NPAS3: variants seen among roughly 807,000 people sequenced by gnomAD.
The protein encoded by NPAS3 is neuronal PAS domain-containing protein 3.
Under a neutral mutation model 73.1 loss-of-function variants are expected in NPAS3, and 14 were observed. The observed-to-expected ratio is 0.19, with a 90% CI of 0.13 to 0.30. The LOEUF (loss-of-function observed/expected upper bound fraction) is 0.30, where lower values mean the gene tolerates loss of function less well. NPAS3 is among the 10% of genes least tolerant of loss of function. The pLI, the probability that NPAS3 is intolerant of heterozygous loss-of-function variation, is 1.00. For missense variants in NPAS3, 1,096 were observed against 1,250.0 expected (o/e 0.88, Z 1.86); for synonymous variants, 620 against 541.5 (o/e 1.14, Z -2.01).
At chr14:33,160,565 C>A (rs2044831399) in intron 2 of NPAS3, among the ~76,000 whole-genome samples, 3 of 150,014 alleles carry the variant, frequency 2.0e-5, no homozygotes, top group South Asian at 2.1e-4. Flanking sequence ...GGGTGCAGCA[C>A]ACCAACATGG....
intron 2 of NPAS3, among the ~76,000 whole-genome samples, chr14:33,151,924 A>T (rs1301125813): frequency 6.6e-6 from 1 of 152,152 alleles, no homozygotes; most frequent in Non-Finnish European, 1.5e-5. Flanking sequence ...GTATACAAGC[A>T]TGTGTGGTGT....
At chr14:33,489,614 T>A (rs914618304) in intron 4 of NPAS3, among the ~76,000 whole-genome samples, 13 of 152,322 alleles carry the variant, frequency 8.5e-5, no homozygotes, top group African/African-American at 3.1e-4. Flanking sequence ...TTAAAGTGGT[T>A]GTGCTTTAAA....
intron 2 of NPAS3, among the ~76,000 whole-genome samples, chr14:33,165,401 G>T (rs1183452427): frequency 6.6e-6 from 1 of 151,866 alleles, no homozygotes; most frequent in East Asian, 1.9e-4. Context: ...CATTCCATGG[G>T]ATTTCTATGG....
At chr14:33,066,341 A>G (rs1013263969) in intron 2 of NPAS3, among the ~76,000 whole-genome samples, 8 of 152,210 alleles carry the variant, frequency 5.3e-5, no homozygotes, top group Non-Finnish European at 1.2e-4. Context: ...TTCATGGTCA[A>G]TACATTCATC....
At chr14:33,642,445 A>G (rs1012786308) in intron 5 of NPAS3, among the ~76,000 whole-genome samples, 3 of 152,204 alleles carry the variant, frequency 2.0e-5, no homozygotes, top group African/African-American at 7.2e-5. Context: ...GAAGGGAGAG[A>G]GAACAATGGC....
At chr14:33,545,161 A>G (rs936260770) in intron 4 of NPAS3, among the ~76,000 whole-genome samples, 9 of 152,040 alleles carry the variant, frequency 5.9e-5, no homozygotes, top group African/African-American at 2.2e-4. Flanking sequence ...ATTTTTGACT[A>G]TGATGAAACC....
At chr14:33,344,813 C>G (rs894063366) in intron 3 of NPAS3, among the ~76,000 whole-genome samples, 5 of 152,174 alleles carry the variant, frequency 3.3e-5, no homozygotes, top group Non-Finnish European at 7.3e-5. Flanking sequence ...CCTGGAACTG[C>G]TGTAAGACCA....
chr14:32,941,275 TCCTCCCTC>T (rs1196215747), intron 1 of NPAS3, among the ~76,000 whole-genome samples: 1 of 1,874 alleles, frequency 5.3e-4, no homozygotes, highest in East Asian at 8.9e-3. Context: ...TCCCCTCCCC[TCCTCCCTC>T]CCTCCCTCCC....
intron 1 of NPAS3, among the ~76,000 whole-genome samples, chr14:32,965,628 T>A (rs2748835): frequency 6.6e-6 from 1 of 151,966 alleles, no homozygotes; most frequent in Non-Finnish European, 1.5e-5. Context: ...AATTGAAACC[T>A]TTCTCTCTAA....
At chr14:33,087,314 T>TA (rs1469867261) in intron 2 of NPAS3, among the ~76,000 whole-genome samples, 1 of 147,106 alleles carries the variant, frequency 6.8e-6, no homozygotes, top group Non-Finnish European at 1.5e-5. Flanking sequence ...ATTAAAGACT[T>TA]CAAGCCTAAC....
chr14:33,201,180 T>C (rs754516849), intron 2 of NPAS3, among the ~76,000 whole-genome samples: 6 of 152,194 alleles, frequency 3.9e-5, no homozygotes, highest in Non-Finnish European at 7.3e-5. Flanking sequence ...GCTAACTTTA[T>C]CTAATGCTAG....
intron 6 of NPAS3, among the ~76,000 whole-genome samples, chr14:33,698,254 C>G (rs1451058431): frequency 3.9e-5 from 6 of 152,180 alleles, no homozygotes; most frequent in Non-Finnish European, 8.8e-5. Flanking sequence ...CATATGACCT[C>G]CAGAATTTTC....
intron 6 of NPAS3, among the ~76,000 whole-genome samples, chr14:33,707,909 G>A (rs1023326174): frequency 2.0e-5 from 3 of 152,136 alleles, no homozygotes; most frequent in Admixed American, 6.5e-5. Context: ...TATCTGAACC[G>A]GGGGGTGGTG....
upstream of NPAS3, among the ~76,000 whole-genome samples, chr14:32,938,331 C>T (rs1272328562): frequency 1.3e-5 from 2 of 151,966 alleles, no homozygotes; most frequent in African/African-American, 4.8e-5. Flanking sequence ...CCTGTGGCCT[C>T]CCAGTTCCTT....
At chr14:33,086,060 C>G (rs2042015206) in intron 2 of NPAS3, among the ~76,000 whole-genome samples, 1 of 152,090 alleles carries the variant, frequency 6.6e-6, no homozygotes, top group Non-Finnish European at 1.5e-5. Context: ...TATACTTTCT[C>G]TTCTGTGACA....
intron 4 of NPAS3, among the ~76,000 whole-genome samples, chr14:33,435,223 GAA>G (rs1480423347): frequency 6.6e-6 from 1 of 152,140 alleles, no homozygotes; most frequent in Admixed American, 6.6e-5. Context: ...AATTTAGAGA[GAA>G]AGAGAATAGA....
chr14:33,034,588 A>G (rs2040100596), intron 1 of NPAS3, among the ~76,000 whole-genome samples: 1 of 152,010 alleles, frequency 6.6e-6, no homozygotes, highest in Non-Finnish European at 1.5e-5. Context: ...TTACATTTAT[A>G]TAGTCTACAT....
At chr14:33,784,754 T>TATTTTTATTA (rs1317655791) in intron 9 of NPAS3, among the ~76,000 whole-genome samples, 5 of 124,364 alleles carry the variant, frequency 4.0e-5, no homozygotes, top group Non-Finnish European at 6.6e-5. Flanking sequence ...TATTTTTTTT[T>TATTTTTATTA]TTTTTTTTTT....
intron 2 of NPAS3, among the ~76,000 whole-genome samples, chr14:33,189,903 T>C (rs2046109660): frequency 6.6e-6 from 1 of 152,214 alleles, no homozygotes; most frequent in South Asian, 2.1e-4. Context: ...CATGAGTCTA[T>C]ATTGTTTTGG....
Sources: gnomAD v4.1 joint callset for allele counts (sites outside exome capture counted in the v4.1 genomes callset) on GRCh38, gnomAD v4.1.1 for gene constraint, MANE v1.5 for transcripts, NCBI Gene and HGNC (gene_info 2026-07-23, HGNC 2026-07-21) for gene names.